The following PPEF1 variants were observed in gnomAD, a reference collection of about 807,000 sequenced individuals.
The protein encoded by PPEF1 is serine/threonine-protein phosphatase with EF-hands 1.
Under a neutral mutation model 53.3 loss-of-function variants are expected in PPEF1, and 12 were observed. That is an observed-to-expected ratio of 0.23 (90% CI 0.14 to 0.36). The LOEUF is 0.36. Among genes scored for constraint, PPEF1 ranks in the 10% least tolerant of loss-of-function variants. The pLI is 1.00. For synonymous variants in PPEF1, 165 were observed against 176.7 expected (o/e 0.93, Z 0.52); for missense variants, 334 against 490.4 (o/e 0.68, Z 3.01).
At chrX:18,691,481 A>C (rs1052268790) in intron 4 of PPEF1, 3 of 111,939 alleles carry the variant, frequency 2.7e-5, no homozygotes, top group Non-Finnish European at 5.6e-5. Flanking sequence ...TGGTCTTGCA[A>C]GGTGACTCCA....
chrX:18,784,680 G>A (rs1218687685), intron 9 of PPEF1, among the ~76,000 whole-genome samples: 1 of 110,794 alleles, frequency 9.0e-6, no homozygotes, highest in Non-Finnish European at 1.9e-5. Flanking sequence ...GAATTGATAC[G>A]ATTTCCCACA....
intron 4 of PPEF1, among the ~76,000 whole-genome samples, chrX:18,693,236 A>T (rs1929510192): frequency 8.9e-6 from 1 of 111,847 alleles, no homozygotes; most frequent in African/African-American, 3.3e-5. Context: ...CAGCCCATTA[A>T]GCATTTGAAA....
rs1457262326 is a variant in PPEF1 at position 18,827,303 on chromosome X, C to T, written c.1778C>T (p.Ala593Val). Residue 593 changes from alanine to valine, a missense_variant, in exon 16 of 16, where the codon GCC becomes GTC. Coordinates refer to ENST00000470157, the MANE Select transcript of PPEF1 (RefSeq NM_001377996.1). ...SGLISVEEFR[A>V]MWKLFSSHYN... ...CTGATCTCCGTGGAAGAATTTCGTG[C>T]CATGTGGAAACTTTTTAGTTCTCAC... The T allele has an allele frequency of 8.3e-7, 1 of 1,208,612 alleles. No individual in the cohort carries two copies. Among genetic ancestry groups the T allele is most frequent in the South Asian group, 1.8e-5 (1 of 56,860 alleles).
chrX:18,675,963 G>C (rs865992483), exon 1 of PPEF1: 1 of 90,115 alleles, frequency 1.1e-5, no homozygotes, highest in African/African-American at 4.3e-5. Flanking sequence ...GGGCGGGGGG[G>C]GGGGGGCATC....
chrX:18,707,996 G>A (rs1383856730), intron 1 of PPEF1, among the ~76,000 whole-genome samples, 170 bp downstream of exon 1: 2 of 112,307 alleles, frequency 1.8e-5, no homozygotes, highest in Non-Finnish European at 3.8e-5. Context: ...ATGTAGCTTT[G>A]AATTTATGAA....
At chrX:18,808,192 CTT>C (rs984559175) in intron 12 of PPEF1, among the ~76,000 whole-genome samples, 24 of 106,983 alleles carry the variant, frequency 2.2e-4, no homozygotes, top group African/African-American at 8.2e-4. Context: ...GTCTCGATCT[CTT>C]GACCTTGTGA....
intron 10 of PPEF1, among the ~76,000 whole-genome samples, chrX:18,789,945 A>C (rs1279905209): frequency 8.9e-6 from 1 of 112,134 alleles, no homozygotes; most frequent in Non-Finnish European, 1.9e-5. Context: ...TATTTCTCTT[A>C]AGTGTGTACC....
chrX:18,796,971 A>T (rs967503934), intron 10 of PPEF1, among the ~76,000 whole-genome samples: 4 of 111,738 alleles, frequency 3.6e-5, no homozygotes, highest in African/African-American at 1.3e-4. Context: ...AAGAGCCTTA[A>T]GAAGTGGGAG....
intron 15 of PPEF1, among the ~76,000 whole-genome samples, chrX:18,826,448 G>A (rs934957989): frequency 2.4e-5 from 1 of 42,431 alleles, no homozygotes; most frequent in African/African-American, 1.3e-4. Context: ...TTTTTTTTGC[G>A]ACAGAGTTTT....
chrX:18,807,059 T>C (rs1426194903), intron 12 of PPEF1, among the ~76,000 whole-genome samples: 3 of 110,429 alleles, frequency 2.7e-5, no homozygotes, highest in Admixed American at 9.6e-5. Flanking sequence ...AGACGGAGTC[T>C]CGCTCTGCAG....
chrX:18,748,175 A>G (rs1420124689), intron 3 of PPEF1, among the ~76,000 whole-genome samples: 1 of 112,546 alleles, frequency 8.9e-6, no homozygotes, highest in Non-Finnish European at 1.9e-5. Context: ...CCCGGACCAC[A>G]TTAAAGACAG....
intron 1 of PPEF1, among the ~76,000 whole-genome samples, chrX:18,677,811 C>T (rs1192216304): frequency 2.7e-5 from 3 of 111,602 alleles, no homozygotes; most frequent in African/African-American, 9.8e-5. Flanking sequence ...TGCAGCATCC[C>T]TGGCCTCTAT....
At chrX:18,698,218 A>C (rs1281506708) in intron 5 of PPEF1, among the ~76,000 whole-genome samples, 1 of 112,460 alleles carries the variant, frequency 8.9e-6, no homozygotes, top group Non-Finnish European at 1.9e-5. Flanking sequence ...TTCATTTAAC[A>C]GTTGGAGGCT....
chrX:18,779,446 A>G (rs2046039174), intron 7 of PPEF1, among the ~76,000 whole-genome samples: 1 of 110,980 alleles, frequency 9.0e-6, no homozygotes, highest in South Asian at 3.8e-4. Context: ...CCCGACCTTC[A>G]CAGGCTAAAT....
chrX:18,802,226 G>A (rs2046562138), intron 10 of PPEF1, among the ~76,000 whole-genome samples: 1 of 109,263 alleles, frequency 9.2e-6, no homozygotes, highest in South Asian at 4.1e-4. Context: ...CACCACACCT[G>A]GCTAGTTTTT....
At position 18,789,232 on chromosome X, in the gene PPEF1, G is replaced by A. The variant is rs866690583; in HGVS notation, c.1024G>A (p.Gly342Arg). The change falls in exon 10 of 16, where the codon GGA (glycine) becomes AGA (arginine). Residue 342 changes from glycine (G) to arginine (R), a missense_variant. By Grantham distance (125) the Gly-to-Arg change is moderately radical (BLOSUM62 -2). Transcript: ENST00000470157. ...FNAHGRIKTN[G>R]SPTEHLTEHE... ...TGCACATGGAAGAATCAAAACAAATGGATCTCCTACTGAACACTTAACAGA... is the reference window on the plus strand; with the variant it reads ...TGCACATGGAAGAATCAAAACAAATAGATCTCCTACTGAACACTTAACAGA... 1.7e-6 allele frequency: 2 copies of A among 1,211,213 alleles called. No homozygotes were observed. The highest frequency in any genetic ancestry group is 4.3e-5 in the Admixed American group (2 of 46,086).
At chrX:18,778,896 A>G in intron 6 of PPEF1, 114 bp from the exon 7 acceptor site, 1 of 778,618 alleles carries the variant, frequency 1.3e-6, no homozygotes, top group Non-Finnish European at 1.8e-6. Context: ...TTCCCGGTGG[A>G]AGAACCTGAC....
At chrX:18,823,638 AT>A (rs200335868) in intron 13 of PPEF1, among the ~76,000 whole-genome samples, 11 of 101,391 alleles carry the variant, frequency 1.1e-4, no homozygotes, top group African/African-American at 4.1e-4. Context: ...AAAAAAAAAA[AT>A]AAATAAATAA....
intron 10 of PPEF1, among the ~76,000 whole-genome samples, chrX:18,794,201 G>C (rs1602460571): frequency 8.8e-6 from 1 of 113,068 alleles, no homozygotes; most frequent in Non-Finnish European, 1.9e-5. Flanking sequence ...CTCCACAAAG[G>C]CTCTTTTCTC....
Sources: gnomAD v4.1 joint callset for allele counts (sites outside exome capture counted in the v4.1 genomes callset) on GRCh38, gnomAD v4.1.1 for gene constraint, MANE v1.5 for transcripts, NCBI Gene and HGNC (gene_info 2026-07-23, HGNC 2026-07-21) for gene names.